MBP: variants seen among roughly 807,000 people sequenced by gnomAD.
MBP encodes Golli-MBP.
MBP carries 16 observed loss-of-function variants against 35.8 expected under a neutral mutation model. That is an observed-to-expected ratio of 0.45 (90% CI 0.30 to 0.68). The LOEUF (loss-of-function observed/expected upper bound fraction) is 0.68, where lower values mean the gene tolerates loss of function less well. Among genes scored for constraint, MBP ranks in the 30% least tolerant of loss-of-function variants. MBP has a pLI of 0.08. For missense variants in MBP, 380 were observed against 404.7 expected, an observed-to-expected ratio of 0.94 and a Z score of 0.52; for synonymous variants, 143 against 159.6, an observed-to-expected ratio of 0.90 and a Z score of 0.78.
intron 3 of MBP, among the ~76,000 whole-genome samples, chr18:77,043,216 C>A (rs1232886004): frequency 6.6e-6 from 1 of 152,164 alleles, no homozygotes; most frequent in Non-Finnish European, 1.5e-5. Flanking sequence ...AAAATTCTAA[C>A]TTAATCACAA....
intron 1 of MBP, among the ~76,000 whole-genome samples, chr18:77,108,001 T>A (rs963560749): frequency 1.3e-5 from 2 of 152,160 alleles, no homozygotes; most frequent in Non-Finnish European, 2.9e-5. Context: ...GGAGCCCCCA[T>A]CAGAGCCGTT....
rs1468345398 is a variant in MBP, at chr18:76,989,917, C to T, written c.681+39G>A. 2 of 1,545,994 alleles carry T rather than the reference C, an allele frequency of 1.3e-6. No individual in the cohort carries two copies. The highest frequency in any genetic ancestry group is 3.3e-5 in the Admixed American group (2 of 59,912). ...AGCAGTGGCCAGCACCCCTCCTCCC[C>T]CTCACAGTTGCTACCTCTTCCCATC... On this transcript the variant is annotated intron_variant, in intron 5 of 8. Transcript: ENST00000355994. The surrounding 1 kb of genome is among the most constrained non-coding windows in gnomAD (Gnocchi z 4.0).
In MBP at chr18:77,009,071, G is replaced by A. The variant is rs371745211; in HGVS notation, c.576+7761C>T. 6.2e-4 allele frequency among the ~76,000 whole-genome samples: 95 copies of A among 152,346 alleles called. 1 individual carries two copies. The East Asian group carries it at 8.9e-3, about 14-fold the overall frequency. ...CCATGCTTAAAAAGCCAGGTGCCAC[G>A]GTGCAGACGGTGGTGGCCTGGGTCT... On this transcript the variant is annotated intron_variant, in intron 4 of 8. Coordinates refer to ENST00000355994, the MANE Select transcript of MBP (RefSeq NM_001025101.2).
rs184693923 is a variant in MBP at position 76,989,072 on chromosome 18, T to A, written c.682-160A>T. On this transcript the variant is annotated intron_variant, in intron 5 of 8. Transcript: ENST00000355994. This position sits in a 1 kb window ranked among gnomAD's most constrained non-coding sequence, Gnocchi z 4.0. ...TTCTGTCCTAGTTGGTGAAGAAGTA[T>A]AGACCTGAGATTGAAAATATTCTAG... The A allele has an allele frequency of 1.3e-6, 1 of 753,858 alleles. No homozygotes were observed. Among genetic ancestry groups the A allele is most frequent in the African/African-American group, 1.7e-5 (1 of 58,560 alleles). 46.7% of individuals were successfully genotyped at this position (753,858 alleles called of 1,614,324 possible). A position where few individuals can be genotyped will look rare whatever the true frequency, so the allele number is the denominator to read the frequency against.
rs775615621 is a variant in MBP at position 76,988,854 on chromosome 18, A to G, written c.717+23T>C. ...AGGTCTATCAGAAAAGTGATGATCAATCAAAACATTCCAAGGTCTTACCTT... is the reference window on the plus strand; with the variant it reads ...AGGTCTATCAGAAAAGTGATGATCAGTCAAAACATTCCAAGGTCTTACCTT... On this transcript the variant is annotated intron_variant, in intron 6 of 8. Transcript: ENST00000355994. This position sits in a 1 kb window ranked among gnomAD's most constrained non-coding sequence, Gnocchi z 5.2. 7 of 1,608,332 alleles carry G rather than the reference A, an allele frequency of 4.4e-6. No individual in the cohort carries two copies. The Admixed American group carries it at 5.0e-5, about 12-fold the overall frequency.
intron 3 of MBP, among the ~76,000 whole-genome samples, chr18:77,023,693 C>A (rs1972083412): frequency 6.6e-6 from 1 of 152,184 alleles, no homozygotes; most frequent in South Asian, 2.1e-4. Context: ...ATGCTGCAGG[C>A]CCTTGACCTC....
rs1195424392 is a variant in MBP at position 77,044,003 on chromosome 18, G to A, written c.139+22295C>T. On this transcript the variant is annotated intron_variant, in intron 3 of 8. Coordinates refer to ENST00000355994, the MANE Select transcript of MBP (RefSeq NM_001025101.2). This position sits in a 1 kb window ranked among gnomAD's most constrained non-coding sequence, Gnocchi z 4.4. ...CCGTCCTGTGTCTCCTGATTTCTGC[G>A]TTTTTGATCCTGAGGCTCTCTGCCT... 6.8e-6 allele frequency among the ~76,000 whole-genome samples: 1 copy of A among 147,246 alleles called. No homozygotes were observed. The highest frequency in any genetic ancestry group is 1.5e-5 in the Non-Finnish European group (1 of 65,842).
At chr18:77,103,454 C>G (rs1280219765) in intron 2 of MBP, among the ~76,000 whole-genome samples, 17 of 152,130 alleles carry the variant, frequency 1.1e-4, no homozygotes, top group Admixed American at 1.1e-3. Context: ...AATTAAAGTA[C>G]CAACGAAATG....
intron 3 of MBP, among the ~76,000 whole-genome samples, chr18:77,060,992 T>G (rs1973956276): frequency 6.6e-6 from 1 of 152,148 alleles, no homozygotes; most frequent in Non-Finnish European, 1.5e-5. Flanking sequence ...CGCTCAGAAC[T>G]CCTCCTGGGC....
intron 2 of MBP, among the ~76,000 whole-genome samples, chr18:77,081,681 T>TA (rs1974903484): frequency 1.3e-5 from 2 of 151,556 alleles, no homozygotes; most frequent in Admixed American, 1.3e-4. Flanking sequence ...ACTCCACTCC[T>TA]AAGAATACAC....
intron 2 of MBP, among the ~76,000 whole-genome samples, chr18:77,087,897 C>T (rs942274966): frequency 6.6e-6 from 1 of 152,110 alleles, no homozygotes; most frequent in Non-Finnish European, 1.5e-5. Flanking sequence ...CCGCTGACAC[C>T]CCGCGGGGCA....
intron 2 of MBP, 44 bp downstream of exon 2, chr18:77,105,167 T>G: frequency 6.2e-7 from 1 of 1,600,468 alleles, no homozygotes; most frequent in Non-Finnish European, 8.6e-7. Flanking sequence ...TTGTGTTTAA[T>G]AAGAAAACAA....
intron 2 of MBP, among the ~76,000 whole-genome samples, chr18:77,074,681 C>T (rs1049315685): frequency 7.2e-5 from 11 of 152,062 alleles, no homozygotes; most frequent in African/African-American, 1.9e-4. Context: ...ACAGCTGGGG[C>T]GGAACCAAAG....
intron 1 of MBP, chr18:77,109,425 A>G (rs1000926673): frequency 6.6e-6 from 1 of 152,228 alleles, no homozygotes; most frequent in Non-Finnish European, 1.5e-5. Flanking sequence ...GAAAGAGGGA[A>G]AAAAGTGAAG....
intron 2 of MBP, among the ~76,000 whole-genome samples, chr18:77,069,832 G>A (rs1599180806): frequency 6.6e-6 from 1 of 152,084 alleles, no homozygotes; most frequent in Non-Finnish European, 1.5e-5. Flanking sequence ...ACACCAAAGC[G>A]GCCACAGGTG....
chr18:77,085,176 T>G (rs1975170547), intron 2 of MBP, among the ~76,000 whole-genome samples: 1 of 152,210 alleles, frequency 6.6e-6, no homozygotes, highest in Non-Finnish European at 1.5e-5. Flanking sequence ...TGAATACCCT[T>G]CCTTTAGTTT....
At position 76,988,658 on chromosome 18, in the gene MBP, G is replaced by A. The variant is rs1412022325; in HGVS notation, c.718-131C>T. ...AACAGGTTCCACCCGGAGCTCCGAG[G>A]GGGGCCGCAGGCTCAGGGCCACAGC... On this transcript the variant is annotated intron_variant, in intron 6 of 8. Transcript: ENST00000355994. The surrounding 1 kb of genome is among the most constrained non-coding windows in gnomAD (Gnocchi z 5.2). The A allele has an allele frequency of 6.7e-7, 1 of 1,489,868 alleles. No homozygotes were observed. The highest frequency in any genetic ancestry group is 9.0e-7 in the Non-Finnish European group (1 of 1,117,216). The allele number at this position is 1,489,868 out of a possible 1,614,324, so 92.3% of individuals were successfully genotyped here.
At chr18:77,116,450 G>A (rs1206332328) in intron 1 of MBP, among the ~76,000 whole-genome samples, 2 of 152,254 alleles carry the variant, frequency 1.3e-5, no homozygotes, top group Non-Finnish European at 2.9e-5. Flanking sequence ...ACAGAATGAT[G>A]CATTGAACAG....
At chr18:77,030,466 T>C (rs577397726) in intron 3 of MBP, among the ~76,000 whole-genome samples, 3 of 152,212 alleles carry the variant, frequency 2.0e-5, no homozygotes, top group African/African-American at 7.2e-5. Flanking sequence ...GCAGAATTCA[T>C]TGGAGCAGGA....
Sources: gnomAD v4.1 joint callset for allele counts (sites outside exome capture counted in the v4.1 genomes callset) on GRCh38, gnomAD v4.1.1 for gene constraint, Gnocchi (gnomAD v3.1) non-coding constraint, MANE v1.5 for transcripts, NCBI Gene and HGNC (gene_info 2026-07-23, HGNC 2026-07-21) for gene names.